Variants in TP63 observed in about 807,000 individuals in gnomAD.
The protein encoded by TP63 is tumor protein p63.
In TP63, 17 loss-of-function variants were observed where a neutral mutation model predicts 82.8. The observed-to-expected ratio is 0.21, with a 90% CI of 0.14 to 0.31. The LOEUF (loss-of-function observed/expected upper bound fraction) is 0.31. Among genes scored for constraint, TP63 ranks in the 10% least tolerant of loss-of-function variants. The pLI is 1.00. For synonymous variants in TP63, 330 were observed against 321.7 expected (o/e 1.03, Z -0.28); for missense variants, 648 against 895.3 (o/e 0.72, Z 3.52).
At chr3:189,826,913 C>A (rs1447290297) in intron 4 of TP63, among the ~76,000 whole-genome samples, 1 of 152,178 alleles carries the variant, frequency 6.6e-6, no homozygotes, top group South Asian at 2.1e-4. Context: ...GGAAGGTACA[C>A]ATTGAAGAAA....
At chr3:189,740,436 G>A (rs750548131) in intron 3 of TP63, among the ~76,000 whole-genome samples, 1 of 151,978 alleles carries the variant, frequency 6.6e-6, no homozygotes, top group Non-Finnish European at 1.5e-5. Flanking sequence ...AGTTAAAGAA[G>A]TTAAAAAATG....
intron 4 of TP63, among the ~76,000 whole-genome samples, chr3:189,813,116 G>A (rs927790080): frequency 2.6e-5 from 4 of 152,030 alleles, no homozygotes; most frequent in Admixed American, 6.5e-5. Flanking sequence ...TTTGACATTC[G>A]TTCCTCATTT....
At chr3:189,750,105 CA>C in intron 3 of TP63, among the ~76,000 whole-genome samples, 1 of 127,234 alleles carries the variant, frequency 7.9e-6, no homozygotes, top group Non-Finnish European at 1.6e-5. Context: ...GCCTGGGTGA[CA>C]GGGTGAGACT....
chr3:189,738,958 A>G, intron 3 of TP63, 184 bp downstream of exon 3: 1 of 745,776 alleles, frequency 1.3e-6, no homozygotes, highest in South Asian at 1.7e-5. Flanking sequence ...GTCTGCCGCA[A>G]ATATCTATAA....
chr3:189,770,184 G>A (rs983234488), intron 3 of TP63, among the ~76,000 whole-genome samples: 7 of 152,160 alleles, frequency 4.6e-5, no homozygotes, highest in Admixed American at 2.0e-4. Flanking sequence ...CTTGATCTAA[G>A]TTTTGAAAAC....
At chr3:189,822,600 C>T (rs565375359) in intron 4 of TP63, among the ~76,000 whole-genome samples, 14 of 152,240 alleles carry the variant, frequency 9.2e-5, no homozygotes, top group East Asian at 1.9e-4. Context: ...TATACCCAGG[C>T]GCACTACCAG....
intron 1 of TP63, among the ~76,000 whole-genome samples, chr3:189,634,805 T>A (rs550706407): frequency 7.2e-5 from 11 of 152,098 alleles, no homozygotes; most frequent in Non-Finnish European, 1.6e-4. Flanking sequence ...ATTCTGTTTG[T>A]TGTTTATTTT....
intron 1 of TP63, among the ~76,000 whole-genome samples, chr3:189,731,925 C>T (rs1041117180): frequency 2.6e-5 from 4 of 152,176 alleles, no homozygotes. Flanking sequence ...TCTTTTTCCT[C>T]TTTTTCTCTC....
chr3:189,663,188 A>G (rs182678265), intron 1 of TP63, among the ~76,000 whole-genome samples: 1 of 152,246 alleles, frequency 6.6e-6, no homozygotes, highest in East Asian at 1.9e-4. Flanking sequence ...ACTGTTGACA[A>G]ATATCAGTAA....
intron 3 of TP63, among the ~76,000 whole-genome samples, chr3:189,761,566 CAAGTCTCTAGG>C (rs2108539199): frequency 6.7e-6 from 1 of 148,896 alleles, no homozygotes; most frequent in Non-Finnish European, 1.5e-5. Flanking sequence ...AGCCATTCAA[CAAGTCTCTAGG>C]AAGTTCCAAA....
At chr3:189,750,143 A>AT (rs1324811775) in intron 3 of TP63, among the ~76,000 whole-genome samples, 1 of 151,756 alleles carries the variant, frequency 6.6e-6, no homozygotes, top group Non-Finnish European at 1.5e-5. Flanking sequence ...AAAAAAAAAA[A>AT]AGGAATGAAA....
intron 1 of TP63, among the ~76,000 whole-genome samples, chr3:189,668,077 A>G (rs949536281): frequency 9.9e-5 from 15 of 152,226 alleles, no homozygotes; most frequent in African/African-American, 2.6e-4. Flanking sequence ...GAGTTTAGAA[A>G]TTAAGCCGTA....
intron 1 of TP63, among the ~76,000 whole-genome samples, chr3:189,728,015 T>C (rs1010849276): frequency 4.1e-4 from 62 of 152,096 alleles, no homozygotes; most frequent in Non-Finnish European, 7.4e-5. Flanking sequence ...TGAGAACATG[T>C]TTTATGTTTG....
intron 3 of TP63, among the ~76,000 whole-genome samples, chr3:189,764,628 G>T (rs1354202713): frequency 6.6e-6 from 1 of 152,076 alleles, no homozygotes; most frequent in Non-Finnish European, 1.5e-5. Flanking sequence ...GTCTACTAAA[G>T]TTATCCATTG....
chr3:189,807,131 G>A (rs1170408602), intron 3 of TP63, among the ~76,000 whole-genome samples: 1 of 152,144 alleles, frequency 6.6e-6, no homozygotes, highest in Non-Finnish European at 1.5e-5. Flanking sequence ...GTGTCGGAAG[G>A]TTTTACAAAG....
chr3:189,687,525 C>T (rs1380589954), intron 1 of TP63, among the ~76,000 whole-genome samples: 2 of 152,158 alleles, frequency 1.3e-5, no homozygotes, highest in Non-Finnish European at 2.9e-5. Context: ...AGTTTGTAGT[C>T]TCCTTTTGTA....
rs562064233 is a variant in TP63, at chr3:189,665,055, A to G, written c.62+33478A>G. ...AATGAAAGCATAAATAACCAAACTC[A>G]TCACTTCTTAATTCTTTTACTACAT... On this transcript the variant is annotated intron_variant, in intron 1 of 13. Transcript: ENST00000264731. 2.0e-5 allele frequency among the ~76,000 whole-genome samples: 3 copies of G among 152,252 alleles called. No individual in the cohort carries two copies. In the South Asian group the frequency reaches 6.2e-4, roughly 31 times the overall value.
At chr3:189,800,945 A>G (rs142409782) in intron 3 of TP63, among the ~76,000 whole-genome samples, 8 of 152,202 alleles carry the variant, frequency 5.3e-5, no homozygotes, top group East Asian at 1.9e-4. Context: ...AGTCACCATT[A>G]CTTTATTGAA....
chr3:189,887,696 T>C (rs1460824484), intron 11 of TP63, among the ~76,000 whole-genome samples: 1 of 152,142 alleles, frequency 6.6e-6, no homozygotes, highest in Non-Finnish European at 1.5e-5. Flanking sequence ...ATATAATCCT[T>C]ACTACCTAAA....
Sources: allele counts gnomAD v4.1 joint callset (sites outside exome capture counted in the v4.1 genomes callset), GRCh38; gene constraint gnomAD v4.1.1; transcripts MANE v1.5; gene names NCBI Gene and HGNC (gene_info 2026-07-23, HGNC 2026-07-21).